The following VSTM2L variants were observed in gnomAD, a reference collection of about 807,000 sequenced individuals.
VSTM2L encodes the protein V-set and transmembrane domain-containing protein 2-like protein.
VSTM2L carries 9 observed loss-of-function variants against 19.9 expected under a neutral mutation model. That is an observed-to-expected ratio of 0.45 (90% confidence interval 0.27 to 0.79). VSTM2L has a LOEUF of 0.79. VSTM2L is among the 30% of genes least tolerant of loss of function. The pLI is 0.15. For missense variants in VSTM2L, 286 were observed against 295.5 expected (o/e 0.97, Z 0.24); for synonymous variants, 127 against 133.8 (o/e 0.95, Z 0.35).
At chr20:37,938,940 C>T (rs766431714) in intron 3 of VSTM2L, among the ~76,000 whole-genome samples, 11 of 152,086 alleles carry the variant, frequency 7.2e-5, no homozygotes, top group Middle Eastern at 3.4e-3. Context: ...TTGGGGGCCT[C>T]GGAAAGACAT....
intron 1 of VSTM2L, among the ~76,000 whole-genome samples, chr20:37,915,134 A>G (rs1257032543): frequency 1.3e-5 from 2 of 152,156 alleles, no homozygotes; most frequent in African/African-American, 2.4e-5. Context: ...ACAAAGCTTC[A>G]CTAATGGTCT....
At chr20:37,921,013 G>T (rs2072847677) in intron 1 of VSTM2L, among the ~76,000 whole-genome samples, 1 of 152,170 alleles carries the variant, frequency 6.6e-6, no homozygotes. Context: ...TCCCTGACCT[G>T]GGAGAGTTCC....
rs942472617 is a variant in VSTM2L, at chr20:37,926,604, C to G, written c.122-5031C>G. Among the ~76,000 whole-genome samples, 3 of 152,226 alleles carry G rather than the reference C, an allele frequency of 2.0e-5. No individual in the cohort carries two copies. The East Asian group carries it at 5.8e-4, about 29-fold the overall frequency. ...AAAGTAATTGCGGTTTTGACCATTA[C>G]TTTTCATGGCAAACCTGCAATTACT... On this transcript the variant is annotated intron_variant, in intron 1 of 3. Transcript: ENST00000373461.
intron 1 of VSTM2L, 100 bp downstream of exon 1, chr20:37,903,571 G>C (rs1243831950): frequency 1.5e-6 from 2 of 1,310,304 alleles, no homozygotes; most frequent in Non-Finnish European, 1.9e-6. Flanking sequence ...GGCGCCAGTC[G>C]TGGCGGGCAT....
intron 3 of VSTM2L, among the ~76,000 whole-genome samples, chr20:37,942,954 G>GTTT (rs1472150503): frequency 6.6e-6 from 1 of 152,150 alleles, no homozygotes; most frequent in African/African-American, 2.4e-5. Context: ...TTTTTATTAT[G>GTTT]TTATTTTATT....
chr20:37,941,729 G>A (rs1246121798), intron 3 of VSTM2L, among the ~76,000 whole-genome samples: 1 of 152,094 alleles, frequency 6.6e-6, no homozygotes, highest in African/African-American at 2.4e-5. Flanking sequence ...CTACAAAGCT[G>A]TCTGGGAAGG....
chr20:37,943,957 T>TGG (rs1253504362), intron 3 of VSTM2L, 24 bp from the exon 4 acceptor site: 1 of 996,646 alleles, frequency 1.0e-6, no homozygotes, highest in South Asian at 1.7e-5. Flanking sequence ...GATGGACAGG[T>TGG]CACGGTCTCT....
chr20:37,913,087 C>A (rs1163120395), intron 1 of VSTM2L, among the ~76,000 whole-genome samples: 1 of 152,146 alleles, frequency 6.6e-6, no homozygotes, highest in East Asian at 1.9e-4. Context: ...GTGACACCCA[C>A]ACAGAGCAGG....
At chr20:37,915,917 C>T (rs1314928809) in intron 1 of VSTM2L, among the ~76,000 whole-genome samples, 1 of 152,184 alleles carries the variant, frequency 6.6e-6, no homozygotes, top group African/African-American at 2.4e-5. Context: ...CCTTTTGCCC[C>T]GTCCTTCATG....
chr20:37,920,010 G>A (rs768871000), intron 1 of VSTM2L, among the ~76,000 whole-genome samples: 1 of 152,196 alleles, frequency 6.6e-6, no homozygotes. Flanking sequence ...CAGGAGACTG[G>A]CTCCAATGGC....
In VSTM2L at chr20:37,944,787, G is replaced by C; in HGVS notation, c.*534G>C. The C allele has an allele frequency of 1.0e-6, 1 of 986,394 alleles. No individual in the cohort carries two copies. The highest frequency in any genetic ancestry group is 1.2e-6 in the Non-Finnish European group (1 of 830,444). The allele number at this position is 986,394 out of a possible 1,614,324, so 61.1% of individuals were successfully genotyped here. The stretch of plus-strand genomic sequence containing the variant: ...AGGGCCCTTCTGGGGCAGTGGCTCT[G>C]CAGGGTCACTCATGGAGGCCTAGGG... On this transcript the variant is annotated 3_prime_UTR_variant, in exon 4 of 4. Transcript: ENST00000373461.
At chr20:37,913,083 C>A (rs565589376) in intron 1 of VSTM2L, among the ~76,000 whole-genome samples, 59 of 152,254 alleles carry the variant, frequency 3.9e-4, no homozygotes, top group Admixed American at 1.2e-3. Flanking sequence ...CATGGTGACA[C>A]CCACACAGAG....
intron 1 of VSTM2L, among the ~76,000 whole-genome samples, chr20:37,920,781 A>C (rs1254562632): frequency 6.6e-6 from 1 of 152,264 alleles, no homozygotes; most frequent in Non-Finnish European, 1.5e-5. Flanking sequence ...TAGGCATCCA[A>C]TAAATGTTGA....
chr20:37,931,793 GC>G lies in VSTM2L; in HGVS notation c.282del (p.Ser95ArgfsTer4), dbSNP rs1466631080. ...GGACTGGACCGACAAGCAGGCGTGG[GC>G]CTCGAACCAGGTAATGCCCCTGGGG... ...HRDWTDKQAWASNQLKASQQE... is the reference protein window; with the variant it reads ...HRDWTDKQAWXSNQLKASQQE... On this transcript the variant is annotated frameshift_variant, in exon 2 of 4. Transcript: ENST00000373461. LOFTEE classifies it high-confidence loss of function. The G allele has an allele frequency of 6.2e-7, 1 of 1,613,570 alleles. No homozygotes were observed. The highest frequency in any genetic ancestry group is 2.2e-5 in the East Asian group (1 of 44,902).
chr20:37,903,681 A>G (rs570900005), intron 1 of VSTM2L, among the ~76,000 whole-genome samples: 1 of 151,744 alleles, frequency 6.6e-6, no homozygotes, highest in East Asian at 1.9e-4. Context: ...CTCCCCACAC[A>G]CTCGCGCGGA....
At chr20:37,924,942 C>G (rs1226648657) in intron 1 of VSTM2L, among the ~76,000 whole-genome samples, 1 of 152,196 alleles carries the variant, frequency 6.6e-6, no homozygotes, top group Non-Finnish European at 1.5e-5. Context: ...ACCCGTGGAT[C>G]TTGGTCACAA....
chr20:37,943,820 T>C (rs576530078), intron 3 of VSTM2L, among the ~76,000 whole-genome samples, 161 bp from the exon 4 acceptor site: 21 of 152,230 alleles, frequency 1.4e-4, no homozygotes, highest in South Asian at 4.2e-4. Flanking sequence ...GCTTTTACTT[T>C]TTTGCTATTT....
chr20:37,941,606 G>A (rs2072972616), intron 3 of VSTM2L, among the ~76,000 whole-genome samples: 1 of 152,204 alleles, frequency 6.6e-6, no homozygotes, highest in Admixed American at 6.5e-5. Context: ...CCTGGAGCCA[G>A]AAGTTGGGCT....
intron 3 of VSTM2L, among the ~76,000 whole-genome samples, chr20:37,942,379 G>C (rs1380928973): frequency 1.3e-5 from 2 of 152,360 alleles, no homozygotes; most frequent in South Asian, 2.1e-4. Context: ...CTACTGGGGA[G>C]GCTGAGGCAT....
Sources: allele counts gnomAD v4.1 joint callset (sites outside exome capture counted in the v4.1 genomes callset), GRCh38; gene constraint gnomAD v4.1.1; transcripts MANE v1.5; gene names NCBI Gene and HGNC (gene_info 2026-07-23, HGNC 2026-07-21).